NBAS: variants seen among roughly 807,000 people sequenced by gnomAD.
The protein encoded by NBAS is NBAS subunit of NRZ tethering complex.
In NBAS, 219 loss-of-function variants were observed where a neutral mutation model predicts 302.5. The ratio of observed to expected loss-of-function variants is 0.72; its 90% CI spans 0.65 to 0.81. The LOEUF is 0.81. Among genes scored for constraint, NBAS ranks in the 30% least tolerant of loss-of-function variants. NBAS has a pLI of 0.00. For missense variants in NBAS, 2,932 were observed against 2,841.6 expected, an observed-to-expected ratio of 1.03 and a Z score of -0.72; for synonymous variants, 1,118 against 1,021.6, an observed-to-expected ratio of 1.09 and a Z score of -1.80.
At chr2:15,245,929 A>T (rs2147968819) in intron 44 of NBAS, among the ~76,000 whole-genome samples, 1 of 152,354 alleles carries the variant, frequency 6.6e-6, no homozygotes, top group African/African-American at 2.4e-5. Flanking sequence ...AGGGTTGTAC[A>T]GAAACAGGCA....
chr2:14,891,443 G>T, the NBAS span, among the ~76,000 whole-genome samples: 1 of 152,036 alleles, frequency 6.6e-6, no homozygotes, highest in African/African-American at 2.4e-5. Flanking sequence ...AGAGAAGCTT[G>T]TCAATAAGTG....
At chr2:15,384,716 G>A (rs1241624643) in intron 28 of NBAS, among the ~76,000 whole-genome samples, 1 of 151,952 alleles carries the variant, frequency 6.6e-6, no homozygotes, top group Non-Finnish European at 1.5e-5. Context: ...ACATGAGTTT[G>A]GAATCACCAT....
the NBAS span, among the ~76,000 whole-genome samples, chr2:14,842,773 T>C: frequency 1.3e-5 from 2 of 151,478 alleles, no homozygotes; most frequent in East Asian, 3.9e-4. Context: ...CTCAAAAACA[T>C]TGAAGAGGAA....
chr2:14,936,711 G>A, the NBAS span, among the ~76,000 whole-genome samples: 2 of 152,158 alleles, frequency 1.3e-5, no homozygotes, highest in Non-Finnish European at 2.9e-5. Flanking sequence ...GTTGATGGGA[G>A]GTAACAGGCT....
chr2:15,113,886 G>A, the NBAS span, among the ~76,000 whole-genome samples: 2 of 151,970 alleles, frequency 1.3e-5, no homozygotes, highest in Non-Finnish European at 2.9e-5. Context: ...TTTATAATCT[G>A]TAATAAATAG....
intron 45 of NBAS, among the ~76,000 whole-genome samples, chr2:15,237,782 T>C (rs1198344585): frequency 6.9e-6 from 1 of 144,950 alleles, no homozygotes; most frequent in Non-Finnish European, 1.5e-5. Context: ...TTTTTTTTTT[T>C]TTTTTTTTTT....
At chr2:15,181,166 A>T (rs1453088527) in intron 50 of NBAS, among the ~76,000 whole-genome samples, 1 of 152,186 alleles carries the variant, frequency 6.6e-6, no homozygotes, top group Non-Finnish European at 1.5e-5. Flanking sequence ...CTGAACACAC[A>T]TTTGCTCACT....
intron 21 of NBAS, among the ~76,000 whole-genome samples, chr2:15,438,636 G>A (rs1188280553): frequency 6.6e-6 from 1 of 152,202 alleles, no homozygotes; most frequent in Non-Finnish European, 1.5e-5. Flanking sequence ...GAAGTGACAG[G>A]CTGCAGCATA....
chr2:15,328,189 C>T lies in NBAS; in HGVS notation c.4461+10G>A. The T allele has an allele frequency of 6.2e-7, 1 of 1,608,074 alleles. No individual in the cohort carries two copies. Among genetic ancestry groups the T allele is most frequent in the Middle Eastern group, 1.7e-4 (1 of 5,902 alleles). ...AGTTAAATCTATCTTCCTAGACACG[C>T]TGTCCTTACCTCAGCGACAAAAGGA... On this transcript the variant is annotated intron_variant, in intron 37 of 51. Coordinates refer to ENST00000281513, the MANE Select transcript of NBAS (RefSeq NM_015909.4).
chr2:15,332,795 A>G (rs892674825), intron 35 of NBAS, among the ~76,000 whole-genome samples: 2 of 152,222 alleles, frequency 1.3e-5, no homozygotes, highest in South Asian at 4.1e-4. Context: ...TGTGGCATAT[A>G]CTACAGTTTA....
the NBAS span, among the ~76,000 whole-genome samples, chr2:14,922,306 A>G: frequency 6.6e-6 from 1 of 152,246 alleles, no homozygotes; most frequent in Non-Finnish European, 1.5e-5. Context: ...TAATAATGGT[A>G]AAATGGAGAG....
chr2:15,401,030 A>T (rs10203196), intron 26 of NBAS, among the ~76,000 whole-genome samples: 92,011 of 151,878 alleles, frequency 0.61, 28,851 homozygotes, highest in Non-Finnish European at 0.68. Flanking sequence ...CAGGTACTTC[A>T]TATTGGATCA....
chr2:14,788,982 C>T, the NBAS span, among the ~76,000 whole-genome samples: 9 of 152,232 alleles, frequency 5.9e-5, no homozygotes, highest in Admixed American at 3.9e-4. Flanking sequence ...TGGTGGGCTC[C>T]ACCCAGTTGG....
At chr2:15,393,731 T>A (rs1262489566) in intron 28 of NBAS, 1 of 470,360 alleles carries the variant, frequency 2.1e-6, no homozygotes, top group East Asian at 7.0e-5. Flanking sequence ...AAACAGGCTG[T>A]GAAAAATCCA....
chr2:15,290,309 T>C (rs1670251994), intron 41 of NBAS, among the ~76,000 whole-genome samples: 1 of 152,180 alleles, frequency 6.6e-6, no homozygotes, highest in Admixed American at 6.5e-5. Context: ...GTGGAAACTC[T>C]GAGGCATCTT....
At chr2:14,941,912 A>C in the NBAS span, among the ~76,000 whole-genome samples, 1 of 152,060 alleles carries the variant, frequency 6.6e-6, no homozygotes, top group African/African-American at 2.4e-5. Context: ...TGGTTGGAGG[A>C]TGAGTTACAA....
chr2:15,346,392 A>G (rs1673092490), intron 35 of NBAS, among the ~76,000 whole-genome samples: 1 of 152,192 alleles, frequency 6.6e-6, no homozygotes, highest in African/African-American at 2.4e-5. Flanking sequence ...CAAGAAACAC[A>G]TGAAAAAAAG....
chr2:14,803,004 C>T, the NBAS span, among the ~76,000 whole-genome samples: 1 of 150,114 alleles, frequency 6.7e-6, no homozygotes, highest in Non-Finnish European at 1.5e-5. Context: ...CTAACCTGCA[C>T]AATGTGCACA....
intron 38 of NBAS, among the ~76,000 whole-genome samples, chr2:15,322,262 T>C (rs1671845927): frequency 6.6e-6 from 1 of 151,630 alleles, no homozygotes; most frequent in Non-Finnish European, 1.5e-5. Context: ...GGGGGAGGGA[T>C]AGCATCAGGA....
Sources: allele counts gnomAD v4.1 joint callset (sites outside exome capture counted in the v4.1 genomes callset), GRCh38; gene constraint gnomAD v4.1.1; transcripts MANE v1.5; gene names NCBI Gene and HGNC (gene_info 2026-07-23, HGNC 2026-07-21).